TAS2R1: variants seen among roughly 807,000 people sequenced by gnomAD.
TAS2R1 encodes the protein taste receptor type 2 member 1.
For synonymous variants in TAS2R1, 141 were observed against 134.2 expected (o/e 1.05, Z -0.35); for missense variants, 370 against 353.4 (o/e 1.05, Z -0.38).
chr5:9,664,982 AAACTT>A, intron 1 of TAS2R1, among the ~76,000 whole-genome samples: 1 of 152,350 alleles, frequency 6.6e-6, no homozygotes, highest in South Asian at 2.1e-4. Flanking sequence ...AAAGTCCCAT[AAACTT>A]AACAGCTGAA....
intron 1 of TAS2R1, among the ~76,000 whole-genome samples, chr5:9,706,076 A>G (rs1161917333): frequency 6.6e-6 from 1 of 152,226 alleles, no homozygotes; most frequent in Non-Finnish European, 1.5e-5. Context: ...AAGTTCTTTT[A>G]GAAATAAATA....
At chr5:9,770,778 C>T in the TAS2R1 span, among the ~76,000 whole-genome samples, 1 of 151,978 alleles carries the variant, frequency 6.6e-6, no homozygotes. Context: ...GCATTGGTTT[C>T]TCAGTTCTAA....
the TAS2R1 span, among the ~76,000 whole-genome samples, chr5:9,900,518 G>A: frequency 6.6e-6 from 1 of 151,906 alleles, no homozygotes; most frequent in Non-Finnish European, 1.5e-5. Flanking sequence ...GAAACATCCC[G>A]CCAGTGGGGC....
chr5:9,758,201 A>G, the TAS2R1 span, among the ~76,000 whole-genome samples: 1 of 152,174 alleles, frequency 6.6e-6, no homozygotes, highest in Non-Finnish European at 1.5e-5. Context: ...TCATCTCTAT[A>G]AGTAATTAGA....
At chr5:9,830,210 T>TGGAC in the TAS2R1 span, among the ~76,000 whole-genome samples, 83 of 151,776 alleles carry the variant, frequency 5.5e-4, no homozygotes, top group Admixed American at 1.0e-3. Context: ...GATGGATGGA[T>TGGAC]AGACAGATAG....
chr5:9,678,404 C>T (rs1740920884), intron 1 of TAS2R1, among the ~76,000 whole-genome samples: 1 of 152,078 alleles, frequency 6.6e-6, no homozygotes, highest in African/African-American at 2.4e-5. Context: ...GGAGAAATAC[C>T]ATTTGACCCA....
chr5:9,818,994 T>C, the TAS2R1 span, among the ~76,000 whole-genome samples: 2 of 152,226 alleles, frequency 1.3e-5, no homozygotes. Flanking sequence ...AGCCATGTAT[T>C]ATTCAAAGAG....
At chr5:9,894,774 G>A in the TAS2R1 span, among the ~76,000 whole-genome samples, 1 of 152,194 alleles carries the variant, frequency 6.6e-6, no homozygotes, top group Non-Finnish European at 1.5e-5. Flanking sequence ...AAGGCCATGG[G>A]GCCCCTTTGC....
the TAS2R1 span, among the ~76,000 whole-genome samples, chr5:9,795,655 G>C: frequency 2.6e-5 from 4 of 152,148 alleles, no homozygotes; most frequent in Non-Finnish European, 5.9e-5. Flanking sequence ...ATTTCCTTCG[G>C]CACAGGCTCA....
In TAS2R1 at chr5:9,628,486, A is replaced by G. The variant is rs1190612430; in HGVS notation, c.*647T>C. On this transcript the variant is annotated 3_prime_UTR_variant, in exon 1 of 1. Coordinates refer to ENST00000382492, the MANE Select transcript of TAS2R1 (RefSeq NM_019599.3). ...CCTTTATCAGTTGATTGGCCATGTC[A>G]CCATGGCATCTAGGCTCTCTGCAGG... 2.0e-5 allele frequency among the ~76,000 whole-genome samples: 3 copies of G among 152,150 alleles called. No homozygotes were observed. Among genetic ancestry groups the G allele is most frequent in the Non-Finnish European group, 4.4e-5 (3 of 68,030 alleles).
the TAS2R1 span, among the ~76,000 whole-genome samples, chr5:9,896,143 G>A: frequency 0.19 from 29,273 of 152,134 alleles, 3,014 homozygotes; most frequent in East Asian, 0.27. Flanking sequence ...CGCCTCCCCA[G>A]GCAACTTGGG....
chr5:9,679,578 CTACCAATGCTGA>C (rs1579780654), intron 1 of TAS2R1, among the ~76,000 whole-genome samples: 2 of 152,146 alleles, frequency 1.3e-5, no homozygotes, highest in East Asian at 3.9e-4. Context: ...AAAATAAGGG[CTACCAATGCTGA>C]TACTACTTAC....
chr5:9,855,931 G>A, the TAS2R1 span, among the ~76,000 whole-genome samples: 335 of 151,796 alleles, frequency 2.2e-3, 1 homozygote, highest in African/African-American at 7.6e-3. Context: ...GGTATCAAGG[G>A]CAAATTTTCC....
intron 2 of TAS2R1, among the ~76,000 whole-genome samples, chr5:9,644,825 A>G (rs1740157283): frequency 6.6e-6 from 1 of 152,134 alleles, no homozygotes. Flanking sequence ...ACGAGAGCAG[A>G]GTAGGTGAGT....
chr5:9,710,499 C>A (rs1193570943), intron 1 of TAS2R1, among the ~76,000 whole-genome samples: 1 of 152,094 alleles, frequency 6.6e-6, no homozygotes, highest in East Asian at 1.9e-4. Flanking sequence ...AATGGGCAAA[C>A]AAAAGATAGA....
chr5:9,650,327 A>G (rs1046595546), intron 2 of TAS2R1, among the ~76,000 whole-genome samples: 1 of 151,996 alleles, frequency 6.6e-6, no homozygotes, highest in Non-Finnish European at 1.5e-5. Context: ...TTGCCCCTGA[A>G]TGCTGGGGAA....
chr5:9,793,066 T>A, the TAS2R1 span, among the ~76,000 whole-genome samples: 1 of 152,174 alleles, frequency 6.6e-6, no homozygotes, highest in East Asian at 1.9e-4. Context: ...CACCTATACA[T>A]AGAGCATGAA....
intron 2 of TAS2R1, among the ~76,000 whole-genome samples, chr5:9,636,265 T>A (rs1371304305): frequency 6.6e-6 from 1 of 152,144 alleles, no homozygotes; most frequent in Non-Finnish European, 1.5e-5. Context: ...CTTATGGAGT[T>A]AATTTCCAGT....
the TAS2R1 span, among the ~76,000 whole-genome samples, chr5:9,796,210 A>G: frequency 2.0e-5 from 3 of 152,234 alleles, no homozygotes; most frequent in Admixed American, 6.5e-5. Flanking sequence ...AACTCTTACA[A>G]GACCACACAG....
Sources: gnomAD v4.1 joint callset for allele counts (sites outside exome capture counted in the v4.1 genomes callset) on GRCh38, gnomAD v4.1.1 for gene constraint, MANE v1.5 for transcripts, NCBI Gene and HGNC (gene_info 2026-07-23, HGNC 2026-07-21) for gene names.